PPARGC1A: variants seen among roughly 807,000 people sequenced by gnomAD.
The protein encoded by PPARGC1A is PPARG coactivator 1 alpha.
PPARGC1A carries 25 observed loss-of-function variants against 88.7 expected under a neutral mutation model. The ratio of observed to expected loss-of-function variants is 0.28; its 90% CI spans 0.21 to 0.39. The LOEUF is 0.39. Among genes scored for constraint, PPARGC1A ranks in the 10% least tolerant of loss-of-function variants. The pLI, the probability that PPARGC1A is intolerant of heterozygous loss-of-function variation, is 1.00. For synonymous variants in PPARGC1A, 363 were observed against 355.6 expected (o/e 1.02, Z -0.24); for missense variants, 880 against 968.7 (o/e 0.91, Z 1.22).
At chr4:24,060,972 T>C in the PPARGC1A span, among the ~76,000 whole-genome samples, 1 of 152,110 alleles carries the variant, frequency 6.6e-6, no homozygotes, top group Non-Finnish European at 1.5e-5. Flanking sequence ...TATCAAGCAC[T>C]GTGTTAAATA....
chr4:24,102,179 C>G, the PPARGC1A span, among the ~76,000 whole-genome samples: 1 of 152,216 alleles, frequency 6.6e-6, no homozygotes, highest in Non-Finnish European at 1.5e-5. Context: ...GTGGGTGCCA[C>G]TAAAACAAGA....
At chr4:24,184,350 C>T in the PPARGC1A span, among the ~76,000 whole-genome samples, 1 of 152,160 alleles carries the variant, frequency 6.6e-6, no homozygotes, top group Admixed American at 6.5e-5. Context: ...GAGCATTAAA[C>T]TAATTTTCTT....
the PPARGC1A span, among the ~76,000 whole-genome samples, chr4:24,243,133 C>T: frequency 1.3e-5 from 2 of 152,160 alleles, no homozygotes; most frequent in East Asian, 3.8e-4. Context: ...CAGCAAAGTA[C>T]CTGGTTCACC....
At chr4:23,924,153 C>A in the PPARGC1A span, among the ~76,000 whole-genome samples, 20 of 152,220 alleles carry the variant, frequency 1.3e-4, no homozygotes, top group Non-Finnish European at 2.9e-4. Flanking sequence ...CCATCAAATT[C>A]ATTGCATGTT....
At position 23,855,141 on chromosome 4, in the gene PPARGC1A, T is replaced by C. The variant is rs949082483; in HGVS notation, c.235-23390A>G. On this transcript the variant is annotated intron_variant, in intron 2 of 12. Coordinates refer to ENST00000264867, the MANE Select transcript of PPARGC1A (RefSeq NM_013261.5). ...TCATTTTCTATCTTGTCTGCTGCCA[T>C]GTAGGATGTGCCTTTCACCTCCTGC... Among the ~76,000 whole-genome samples the C allele has an allele frequency of 3.3e-5, 5 of 152,280 alleles. 1 individual carries two copies. The South Asian group carries it at 1.0e-3, about 32-fold the overall frequency.
chr4:24,263,444 CAT>C, the PPARGC1A span, among the ~76,000 whole-genome samples: 1 of 102,018 alleles, frequency 9.8e-6, no homozygotes, highest in Admixed American at 1.2e-4. Context: ...TGTATACACA[CAT>C]GTGGGTGTAT....
chr4:24,075,642 C>A, the PPARGC1A span, among the ~76,000 whole-genome samples: 3 of 152,066 alleles, frequency 2.0e-5, no homozygotes, highest in African/African-American at 7.2e-5. Context: ...TTTTGCCATG[C>A]TCTTCTCATG....
chr4:24,353,473 G>A, the PPARGC1A span, among the ~76,000 whole-genome samples: 1 of 151,898 alleles, frequency 6.6e-6, no homozygotes, highest in Non-Finnish European at 1.5e-5. Flanking sequence ...GACTGGCAAG[G>A]GATTCTATTT....
At chr4:24,155,710 T>C in the PPARGC1A span, among the ~76,000 whole-genome samples, 1 of 152,168 alleles carries the variant, frequency 6.6e-6, no homozygotes, top group Admixed American at 6.5e-5. Context: ...GAGGCAAGTA[T>C]GACCTAAGGT....
the PPARGC1A span, among the ~76,000 whole-genome samples, chr4:24,157,796 G>A: frequency 2.6e-5 from 4 of 151,846 alleles, no homozygotes; most frequent in East Asian, 1.9e-4. Flanking sequence ...GAATCTTGGC[G>A]GCATCCTTCT....
At chr4:24,308,328 A>C in the PPARGC1A span, among the ~76,000 whole-genome samples, 2 of 151,844 alleles carry the variant, frequency 1.3e-5, no homozygotes, top group Non-Finnish European at 2.9e-5. Flanking sequence ...AAAAGAAAAA[A>C]GAAAGAAAAG....
At chr4:24,326,493 C>A in the PPARGC1A span, among the ~76,000 whole-genome samples, 195 of 151,974 alleles carry the variant, frequency 1.3e-3, no homozygotes, top group Non-Finnish European at 2.3e-3. Context: ...TTGCACCCGT[C>A]ATCCCAGCCT....
At chr4:24,133,007 G>C in the PPARGC1A span, among the ~76,000 whole-genome samples, 727 of 152,098 alleles carry the variant, frequency 4.8e-3, no homozygotes, top group Non-Finnish European at 7.5e-3. Context: ...TCAAGTGACA[G>C]GTTTTTGAGA....
At chr4:23,910,399 TA>T in the PPARGC1A span, among the ~76,000 whole-genome samples, 11 of 111,532 alleles carry the variant, frequency 9.9e-5, no homozygotes, top group Non-Finnish European at 1.7e-4. Flanking sequence ...ATATATTATA[TA>T]TATATTAACC....
chr4:24,107,939 C>CCTGGTG, the PPARGC1A span, among the ~76,000 whole-genome samples: 1 of 152,092 alleles, frequency 6.6e-6, no homozygotes, highest in Non-Finnish European at 1.5e-5. Context: ...AGTAGATAGC[C>CCTGGTG]ACTGGTGACA....
At chr4:24,217,493 G>A in the PPARGC1A span, among the ~76,000 whole-genome samples, 2 of 152,114 alleles carry the variant, frequency 1.3e-5, no homozygotes, top group East Asian at 1.9e-4. Flanking sequence ...GGGGACAAGA[G>A]AAGGGGCCTG....
chr4:24,062,239 C>A, the PPARGC1A span, among the ~76,000 whole-genome samples: 1 of 152,206 alleles, frequency 6.6e-6, no homozygotes, highest in Non-Finnish European at 1.5e-5. Context: ...GACAATGACA[C>A]TATTGTAATA....
At chr4:24,181,409 T>C in the PPARGC1A span, among the ~76,000 whole-genome samples, 6 of 152,088 alleles carry the variant, frequency 3.9e-5, no homozygotes, top group Non-Finnish European at 8.8e-5. Context: ...CCTTGTAGAG[T>C]TGTTGTAGGA....
chr4:23,948,453 A>G, the PPARGC1A span, among the ~76,000 whole-genome samples: 1 of 152,136 alleles, frequency 6.6e-6, no homozygotes, highest in Non-Finnish European at 1.5e-5. Context: ...TCTGAGAGGC[A>G]GGTACTGTAA....
Sources: allele counts gnomAD v4.1 joint callset (sites outside exome capture counted in the v4.1 genomes callset), GRCh38; gene constraint gnomAD v4.1.1; transcripts MANE v1.5; gene names NCBI Gene and HGNC (gene_info 2026-07-23, HGNC 2026-07-21).